CASK: variants seen among roughly 807,000 people sequenced by gnomAD.
CASK encodes calcium/calmodulin dependent serine protein kinase, also known as peripheral plasma membrane protein CASK.
In CASK, 4 loss-of-function variants were observed where a neutral mutation model predicts 82.9. The ratio of observed to expected loss-of-function variants is 0.05; its 90% CI spans 0.02 to 0.11. The LOEUF is 0.11. Ranked by LOEUF, CASK falls within the 10% of genes least tolerant of loss-of-function variation. CASK has a pLI of 1.00. For missense variants in CASK, 358 were observed against 720.9 expected (o/e 0.50, Z 5.76); for synonymous variants, 259 against 253.5 (o/e 1.02, Z -0.20).
intron 14 of CASK, 111 bp from the exon 15 acceptor site, chrX:41,578,639 A>C: frequency 1.8e-6 from 1 of 560,635 alleles, no homozygotes; most frequent in Non-Finnish European, 2.8e-6. Context: ...CCCAGGGTGC[A>C]GTGCAGTGGT....
intron 5 of CASK, among the ~76,000 whole-genome samples, chrX:41,721,518 C>G: frequency 9.0e-6 from 1 of 111,472 alleles, no homozygotes; most frequent in East Asian, 2.8e-4. Context: ...TACACAAATA[C>G]ATAAATCAGA....
At position 41,564,533 on chromosome X, in the gene CASK, A is replaced by G. The variant is rs1292748902; in HGVS notation, c.1583-2889T>C. On this transcript the variant is annotated intron_variant, in intron 16 of 26. Coordinates refer to ENST00000378163, the MANE Select transcript of CASK (RefSeq NM_001367721.1). ...CGCCACCATGCCCGGCTAACTTTAG[A>G]TTCCGTTTAAAAACAAGAATAGGAC... Among the ~76,000 whole-genome samples, 33 of 111,355 alleles carry G rather than the reference A, an allele frequency of 3.0e-4. No individual in the cohort carries two copies. In the Admixed American group the frequency reaches 3.2e-3, roughly 11 times the overall value.
chrX:41,599,977 T>C (rs1445237672), intron 12 of CASK, among the ~76,000 whole-genome samples: 1 of 111,890 alleles, frequency 8.9e-6, no homozygotes, highest in Non-Finnish European at 1.9e-5. Context: ...ATTTTCACTA[T>C]GATATTAATT....
intron 15 of CASK, among the ~76,000 whole-genome samples, chrX:41,570,010 C>CTTTTTTTTT (rs397937722): frequency 1.6e-3 from 113 of 70,599 alleles, no homozygotes; most frequent in Middle Eastern, 9.3e-3. Context: ...TTTCTTTTTT[C>CTTTTTTTTT]TTTTTTTTTT....
intron 1 of CASK, among the ~76,000 whole-genome samples, chrX:41,900,739 CTTTTTTT>C (rs759671263): frequency 1.0e-4 from 5 of 50,161 alleles, no homozygotes; most frequent in African/African-American, 1.8e-4. Context: ...ATTTTGAAAT[CTTTTTTT>C]TTTTTTTTTT....
At chrX:41,716,089 C>T (rs2068057347) in intron 5 of CASK, among the ~76,000 whole-genome samples, 1 of 112,308 alleles carries the variant, frequency 8.9e-6, no homozygotes, top group Admixed American at 9.4e-5. Context: ...CCAAAGAACA[C>T]ACGGTACAGC....
Position 41,517,773 on chromosome X carries a change from C to T in CASK, c.*2647G>A, listed in dbSNP as rs976430839. ...GTGGACAATTGTAATGTAGCAGTAG[C>T]AGCAGCAGCAGCAGCAGCAGCAGCA... On this transcript the variant is annotated 3_prime_UTR_variant, in exon 27 of 27. Coordinates refer to ENST00000378163, the MANE Select transcript of CASK (RefSeq NM_001367721.1). 12 of 414,771 alleles carry T rather than the reference C, an allele frequency of 2.9e-5. No individual in the cohort carries two copies. The highest frequency in any genetic ancestry group is 2.5e-4 in the Admixed American group (6 of 23,627). 34.2% of individuals were successfully genotyped at this position (414,771 alleles called of 1,213,427 possible).
chrX:41,652,650 G>A (rs761685228), intron 8 of CASK, among the ~76,000 whole-genome samples: 12 of 111,311 alleles, frequency 1.1e-4, no homozygotes, highest in African/African-American at 2.9e-4. Context: ...CAATGGTAAT[G>A]AAGCCTCCAT....
At chrX:41,890,891 T>G (rs1370153496) in intron 1 of CASK, among the ~76,000 whole-genome samples, 1 of 100,777 alleles carries the variant, frequency 9.9e-6, no homozygotes, top group Non-Finnish European at 2.1e-5. Flanking sequence ...TACTATAATT[T>G]CTTTTTTTTT....
intron 1 of CASK, among the ~76,000 whole-genome samples, chrX:41,858,370 TC>T (rs1192671169): frequency 3.6e-5 from 4 of 112,358 alleles, no homozygotes; most frequent in Admixed American, 1.9e-4. Context: ...GAGATTTCTG[TC>T]CTTCTCTGCT....
intron 5 of CASK, among the ~76,000 whole-genome samples, chrX:41,736,220 C>T (rs1248395511): frequency 2.7e-5 from 3 of 112,197 alleles, no homozygotes; most frequent in Non-Finnish European, 3.8e-5. Flanking sequence ...CAACACCGGG[C>T]GCGGTGGCTC....
At chrX:41,866,247 G>A (rs776793627) in intron 1 of CASK, among the ~76,000 whole-genome samples, 6 of 112,559 alleles carry the variant, frequency 5.3e-5, no homozygotes, top group African/African-American at 1.9e-4. Context: ...TGCCCACCGG[G>A]ACCCACTGTG....
intron 1 of CASK, among the ~76,000 whole-genome samples, chrX:41,898,972 A>G (rs1601953895): frequency 1.8e-5 from 2 of 111,526 alleles, no homozygotes; most frequent in South Asian, 7.4e-4. Flanking sequence ...CAAATCTGCT[A>G]TTTCCTTATT....
intron 21 of CASK, among the ~76,000 whole-genome samples, chrX:41,547,300 C>T (rs905145611): frequency 1.3e-4 from 15 of 111,844 alleles, no homozygotes; most frequent in Admixed American, 8.5e-4. Context: ...CTTCTGAAAT[C>T]CCTTTAAAAT....
At chrX:41,878,562 G>A (rs2148021235) in intron 1 of CASK, among the ~76,000 whole-genome samples, 1 of 111,271 alleles carries the variant, frequency 9.0e-6, no homozygotes, top group South Asian at 3.7e-4. Flanking sequence ...CCCTTGTAGA[G>A]AAATCACTGT....
intron 2 of CASK, 31 bp from the exon 3 acceptor site, chrX:41,787,314 A>C (rs2069627519): frequency 1.2e-6 from 1 of 854,431 alleles, no homozygotes; most frequent in African/African-American, 2.0e-5. Context: ...ATACTTCATT[A>C]GGTAGGAACA....
At chrX:41,787,139 T>C (rs2069625078) in intron 3 of CASK, 39 bp downstream of exon 3, 2 of 810,980 alleles carry the variant, frequency 2.5e-6, no homozygotes, top group Non-Finnish European at 3.8e-6. Flanking sequence ...CCAACATTGC[T>C]TCAAGTTTTA....
intron 3 of CASK, among the ~76,000 whole-genome samples, chrX:41,785,714 A>G (rs1249126973): frequency 8.9e-6 from 1 of 112,074 alleles, no homozygotes; most frequent in Non-Finnish European, 1.9e-5. Context: ...TGATGTAGAC[A>G]GCCAATATGT....
intron 12 of CASK, among the ~76,000 whole-genome samples, chrX:41,590,738 T>C (rs903529166): frequency 9.0e-6 from 1 of 110,755 alleles, no homozygotes; most frequent in Admixed American, 9.7e-5. Flanking sequence ...TTTTATTTCC[T>C]AACTTCTCTA....
Sources: gnomAD v4.1 joint callset for allele counts (sites outside exome capture counted in the v4.1 genomes callset) on GRCh38, gnomAD v4.1.1 for gene constraint, MANE v1.5 for transcripts, NCBI Gene and HGNC (gene_info 2026-07-23, HGNC 2026-07-21) for gene names.